Variants in TNR observed in about 807,000 individuals in gnomAD.
TNR encodes tenascin-R.
Under a neutral mutation model 150.4 loss-of-function variants are expected in TNR, and 45 were observed. The observed-to-expected ratio is 0.30, with a 90% CI of 0.24 to 0.38. The LOEUF (loss-of-function observed/expected upper bound fraction) is 0.38, where lower values mean the gene tolerates loss of function less well. Ranked by LOEUF, TNR falls within the 10% of genes least tolerant of loss-of-function variation. TNR has a pLI of 1.00. For synonymous variants in TNR, 687 were observed against 678.4 expected (o/e 1.01, Z -0.20); for missense variants, 1,544 against 1,759.1 (o/e 0.88, Z 2.19).
At chr1:175,418,231 GA>G (rs1654589344) in intron 2 of TNR, among the ~76,000 whole-genome samples, 1 of 152,076 alleles carries the variant, frequency 6.6e-6, no homozygotes, top group African/African-American at 2.4e-5. Context: ...GTGTGACTAG[GA>G]GAAAGATATT....
chr1:175,507,216 C>T (rs1324267674), intron 2 of TNR, among the ~76,000 whole-genome samples: 4 of 152,154 alleles, frequency 2.6e-5, no homozygotes. Flanking sequence ...TCTGGGGATA[C>T]AGGCCAACGA....
intron 8 of TNR, 132 bp downstream of exon 8, chr1:175,385,900 G>A (rs1255991727): frequency 8.8e-6 from 9 of 1,017,418 alleles, no homozygotes; most frequent in Non-Finnish European, 1.1e-5. Context: ...TCCTTCTCGC[G>A]GTGTCTATGA....
chr1:175,593,701 G>A (rs1210815344), intron 1 of TNR, among the ~76,000 whole-genome samples: 1 of 152,152 alleles, frequency 6.6e-6, no homozygotes, highest in Non-Finnish European at 1.5e-5. Context: ...CAGCCCCAGA[G>A]TCTTCACCAG....
chr1:175,484,534 C>T (rs1410777803), intron 2 of TNR, among the ~76,000 whole-genome samples: 1 of 152,074 alleles, frequency 6.6e-6, no homozygotes, highest in African/African-American at 2.4e-5. Context: ...TAGTCTTTCT[C>T]TCTCTCTCTC....
chr1:175,431,873 G>T (rs925326533), intron 2 of TNR, among the ~76,000 whole-genome samples: 1 of 113,856 alleles, frequency 8.8e-6, no homozygotes, highest in Non-Finnish European at 1.8e-5. Flanking sequence ...GGGGCAGGGG[G>T]CTGTCTGCAT....
At chr1:175,501,325 G>C (rs1658727334) in intron 2 of TNR, among the ~76,000 whole-genome samples, 1 of 152,184 alleles carries the variant, frequency 6.6e-6, no homozygotes, top group Non-Finnish European at 1.5e-5. Flanking sequence ...ATGTAGCTAG[G>C]ACCTAGGGGT....
At chr1:175,498,451 C>T (rs1479046777) in intron 2 of TNR, among the ~76,000 whole-genome samples, 2 of 152,208 alleles carry the variant, frequency 1.3e-5, no homozygotes, top group East Asian at 1.9e-4. Flanking sequence ...GAAGCCTTAG[C>T]CCCTTGGTCA....
intron 1 of TNR, among the ~76,000 whole-genome samples, chr1:175,658,419 T>C (rs1013229363): frequency 1.2e-4 from 18 of 152,256 alleles, no homozygotes; most frequent in African/African-American, 4.1e-4. Context: ...GTGAGGAAGT[T>C]GTTCCTATGT....
intron 1 of TNR, among the ~76,000 whole-genome samples, chr1:175,652,069 T>A (rs185418883): frequency 6.7e-6 from 1 of 149,116 alleles, no homozygotes; most frequent in Non-Finnish European, 1.5e-5. Context: ...AAAAGCTATA[T>A]ACTAAAAATC....
intron 8 of TNR, among the ~76,000 whole-genome samples, chr1:175,383,744 C>G (rs1422264987): frequency 6.6e-6 from 1 of 152,234 alleles, no homozygotes; most frequent in Non-Finnish European, 1.5e-5. Flanking sequence ...AGGGCCTCAT[C>G]ATGAGGGTCT....
chr1:175,646,293 A>C (rs1361763492), intron 1 of TNR, among the ~76,000 whole-genome samples: 2 of 152,176 alleles, frequency 1.3e-5, no homozygotes, highest in Admixed American at 1.3e-4. Context: ...GACTGCATTG[A>C]CTGGGTCACT....
At chr1:175,667,608 G>T (rs761480881) in intron 1 of TNR, among the ~76,000 whole-genome samples, 8 of 152,124 alleles carry the variant, frequency 5.3e-5, no homozygotes, top group Non-Finnish European at 1.2e-4. Flanking sequence ...TACCAAGAAG[G>T]CACACCTAAC....
At chr1:175,594,546 C>G (rs752649026) in intron 1 of TNR, among the ~76,000 whole-genome samples, 1 of 151,970 alleles carries the variant, frequency 6.6e-6, no homozygotes, top group South Asian at 2.1e-4. Flanking sequence ...ATTAATCTTT[C>G]AAGTGAGATA....
intron 1 of TNR, among the ~76,000 whole-genome samples, chr1:175,629,271 G>T (rs375418177): frequency 6.9e-4 from 105 of 152,282 alleles, no homozygotes; most frequent in South Asian, 4.1e-3. Flanking sequence ...TCTATCACAG[G>T]ATCTCAGGGG....
At chr1:175,512,924 T>A (rs1659249068) in intron 2 of TNR, among the ~76,000 whole-genome samples, 1 of 152,120 alleles carries the variant, frequency 6.6e-6, no homozygotes, top group African/African-American at 2.4e-5. Flanking sequence ...GTTCTCTGGT[T>A]TAGGTATAGT....
chr1:175,551,503 G>C (rs968846771), intron 1 of TNR, among the ~76,000 whole-genome samples: 3 of 152,228 alleles, frequency 2.0e-5, no homozygotes, highest in African/African-American at 7.2e-5. Context: ...TGGGGTGCCA[G>C]TGAAGGGAGT....
At chr1:175,686,815 A>G (rs1459121449) in intron 1 of TNR, among the ~76,000 whole-genome samples, 2 of 152,202 alleles carry the variant, frequency 1.3e-5, no homozygotes, top group East Asian at 1.9e-4. Context: ...TGTAAAGAAC[A>G]TGACTTCATT....
chr1:175,658,165 C>G lies in TNR; in HGVS notation c.-165+85061G>C, dbSNP rs966882479. Among the ~76,000 whole-genome samples, 4 of 152,004 alleles carry G rather than the reference C, an allele frequency of 2.6e-5. No homozygotes were observed. In the South Asian group the frequency reaches 8.3e-4, roughly 32 times the overall value. On this transcript the variant is annotated intron_variant, in intron 1 of 22. Coordinates refer to ENST00000367674, the MANE Select transcript of TNR (RefSeq NM_003285.3). ...TGGAGTCAAGGCTGCTGTACTCTCA[C>G]CCCCAGACCCTCAGGTCAGCAGCCC...
At chr1:175,411,456 C>T (rs368084550) in intron 2 of TNR, among the ~76,000 whole-genome samples, 2 of 152,006 alleles carry the variant, frequency 1.3e-5, no homozygotes. Context: ...TGGCTTAAAA[C>T]GACAGAACTA....
Sources: gnomAD v4.1 joint callset for allele counts (sites outside exome capture counted in the v4.1 genomes callset) on GRCh38, gnomAD v4.1.1 for gene constraint, MANE v1.5 for transcripts, NCBI Gene and HGNC (gene_info 2026-07-23, HGNC 2026-07-21) for gene names.